Variants in AFF3 observed in about 807,000 individuals in gnomAD.
The protein encoded by AFF3 is AF4/FMR2 family member 3.
A neutral mutation model predicts 129.7 loss-of-function variants in AFF3; 32 were observed. That is an observed-to-expected ratio of 0.25 (90% CI 0.19 to 0.33). The LOEUF (loss-of-function observed/expected upper bound fraction) is 0.33, where lower values mean the gene tolerates loss of function less well. Ranked by LOEUF, AFF3 falls within the 10% of genes least tolerant of loss-of-function variation. The probability of loss-of-function intolerance (pLI) is 1.00; values close to 1 mark genes in which losing one functional copy is unlikely to be tolerated. For missense variants in AFF3, 1,373 were observed against 1,592.0 expected (o/e 0.86, Z 2.34); for synonymous variants, 644 against 635.4 (o/e 1.01, Z -0.20).
chr2:99,758,188 A>G (rs192194627), intron 8 of AFF3, among the ~76,000 whole-genome samples: 2 of 152,308 alleles, frequency 1.3e-5, no homozygotes, highest in East Asian at 3.9e-4. Context: ...AAGTACTCTT[A>G]TAGCATCCTG....
intron 19 of AFF3, among the ~76,000 whole-genome samples, chr2:99,566,883 G>A (rs990530420): frequency 6.6e-6 from 1 of 151,806 alleles, no homozygotes; most frequent in Non-Finnish European, 1.5e-5. Context: ...AACCAGAAAT[G>A]CAGAGCAAAA....
At chr2:100,124,632 A>G (rs1184143245) in intron 2 of AFF3, among the ~76,000 whole-genome samples, 2 of 148,358 alleles carry the variant, frequency 1.3e-5, no homozygotes, top group South Asian at 2.3e-4. Context: ...CATTGCTGAC[A>G]TAGAGGGCAG....
chr2:99,651,661 C>T (rs1336072137), intron 12 of AFF3, among the ~76,000 whole-genome samples: 5 of 151,998 alleles, frequency 3.3e-5, no homozygotes, highest in African/African-American at 7.2e-5. Context: ...AAGCTGGTCT[C>T]GAACTCCTGA....
chr2:99,760,220 A>G (rs1257685918), intron 8 of AFF3, among the ~76,000 whole-genome samples: 1 of 152,196 alleles, frequency 6.6e-6, no homozygotes, highest in Non-Finnish European at 1.5e-5. Flanking sequence ...AGAGTTTTTT[A>G]AATAAAAGAA....
At chr2:99,980,730 C>T (rs1679326492) in intron 7 of AFF3, among the ~76,000 whole-genome samples, 1 of 152,220 alleles carries the variant, frequency 6.6e-6, no homozygotes, top group South Asian at 2.1e-4. Flanking sequence ...GTTGGTACAA[C>T]ATGCTCTTGT....
chr2:99,847,258 C>T lies in AFF3; in HGVS notation c.874-9734G>A, dbSNP rs1031106202. On this transcript the variant is annotated intron_variant, in intron 7 of 24. Coordinates refer to ENST00000672756, the MANE Select transcript of AFF3 (RefSeq NM_001386135.1). ...TGGCGCTATCTTGGCTCACTGCAACCTCCGCCTCCTGGGTTCCAGCAATTC... is the reference window on the plus strand; with the variant it reads ...TGGCGCTATCTTGGCTCACTGCAACTTCCGCCTCCTGGGTTCCAGCAATTC... Among the ~76,000 whole-genome samples, 8 of 151,892 alleles carry T rather than the reference C, an allele frequency of 5.3e-5. No homozygotes were observed. The East Asian group carries it at 1.6e-3, about 30-fold the overall frequency.
intron 7 of AFF3, among the ~76,000 whole-genome samples, chr2:99,852,012 C>G (rs981379659): frequency 2.0e-5 from 3 of 152,186 alleles, no homozygotes; most frequent in Non-Finnish European, 4.4e-5. Flanking sequence ...AGGGTAAACT[C>G]TAACACATGA....
intron 10 of AFF3, among the ~76,000 whole-genome samples, chr2:99,732,127 G>A (rs995327132): frequency 1.3e-5 from 2 of 152,134 alleles, no homozygotes; most frequent in Non-Finnish European, 1.5e-5. Context: ...GGCTGAGGCA[G>A]GCAGATCACG....
intron 7 of AFF3, among the ~76,000 whole-genome samples, chr2:99,892,341 C>T (rs538201151): frequency 6.6e-6 from 1 of 152,042 alleles, no homozygotes; most frequent in African/African-American, 2.4e-5. Flanking sequence ...GATTTTTTCC[C>T]ACATTCTAAG....
intron 8 of AFF3, among the ~76,000 whole-genome samples, chr2:99,765,834 T>C (rs1682964175): frequency 6.6e-6 from 1 of 152,194 alleles, no homozygotes. Context: ...TTAATAAAAA[T>C]GTGCTTATTA....
intron 11 of AFF3, among the ~76,000 whole-genome samples, chr2:99,726,108 G>A (rs926783305): frequency 1.3e-5 from 2 of 152,098 alleles, no homozygotes; most frequent in African/African-American, 4.8e-5. Flanking sequence ...GCAGGACAAT[G>A]GAACTATTTA....
chr2:99,726,014 AT>A (rs1349921131), intron 11 of AFF3, among the ~76,000 whole-genome samples: 2 of 152,178 alleles, frequency 1.3e-5, no homozygotes, highest in Non-Finnish European at 2.9e-5. Flanking sequence ...AGCCTTTCCC[AT>A]TATATTTTAC....
chr2:99,704,286 T>C (rs35602593), intron 11 of AFF3, among the ~76,000 whole-genome samples: 46,328 of 152,094 alleles, frequency 0.3, 7,150 homozygotes, highest in South Asian at 0.34. Flanking sequence ...GAAGTTCCTT[T>C]AGCTATTCTT....
In AFF3 at chr2:99,727,058, G is replaced by GA. The variant is rs768171881; in HGVS notation, c.1091+18dup. 2.9e-5 allele frequency: 47 copies of GA among 1,593,484 alleles called. No homozygotes were observed. Among genetic ancestry groups the GA allele is most frequent in the Non-Finnish European group, 3.8e-5 (44 of 1,168,188 alleles). ...TATTTAAGAACAGGCATCTCTGATA[G>GA]AAAATGAAAGAAACTTACGATGTAT... On this transcript the variant is annotated intron_variant, in intron 11 of 24. Transcript: ENST00000672756.
At chr2:99,680,785 G>A (rs933751543) in intron 11 of AFF3, among the ~76,000 whole-genome samples, 4 of 152,192 alleles carry the variant, frequency 2.6e-5, no homozygotes, top group Non-Finnish European at 5.9e-5. Flanking sequence ...TTATTGATAA[G>A]TTAATTGCTA....
At chr2:99,929,863 G>A (rs1168907277) in intron 7 of AFF3, among the ~76,000 whole-genome samples, 1 of 151,008 alleles carries the variant, frequency 6.6e-6, no homozygotes, top group Non-Finnish European at 1.5e-5. Context: ...AGTTTGACAT[G>A]TTCAGTGAAA....
At position 99,554,530 on chromosome 2, in the gene AFF3, T is replaced by A. The variant is rs1674736770; in HGVS notation, c.3340A>T (p.Thr1114Ser). 6.2e-7 allele frequency: 1 copy of A among 1,612,276 alleles called. No individual in the cohort carries two copies. Among genetic ancestry groups the A allele is most frequent in the Non-Finnish European group, 8.5e-7 (1 of 1,179,304 alleles). ...GGAGACATGGGGGATGGGGTTCCAG[T>A]GCTCCTGGAAGGGGAGAGGTAGAAA... Reference protein sequence around the residue: ...PSPWGASGKSTGTPSPMSPNP... With the variant: ...PSPWGASGKSSGTPSPMSPNP... Residue 1114 changes from threonine to serine, a missense_variant, in exon 24 of 25, where the codon ACT (threonine) becomes TCT (serine). Physicochemically the swap from Thr to Ser is moderately conservative, Grantham distance 58 (BLOSUM62 1). This residue lies in a region of AFF3 where 165 missense variants were observed against 234.0 expected (regional missense o/e 0.71). Coordinates refer to ENST00000672756, the MANE Select transcript of AFF3 (RefSeq NM_001386135.1).
chr2:99,593,903 C>A lies in AFF3; in HGVS notation c.1758G>T (p.Lys586Asn). The change falls in exon 15 of 25, where the codon AAG becomes AAT. Residue 586 changes from lysine (K) to asparagine (N), a missense_variant. Physicochemically the swap from Lys to Asn is moderately conservative, Grantham distance 94. Transcript: ENST00000672756. ...AGGTCCTCTCGGTGCGCCTGGTGGG[C>A]TTCTTGCCCGCGGACCTCCGGGCAG... is the stretch of plus-strand genomic sequence containing the variant. Reference protein sequence around the residue: ...PAPARRSAGKKPTRRTERTSA... With the variant: ...PAPARRSAGKNPTRRTERTSA... The A allele has an allele frequency of 1.4e-6, 2 of 1,459,816 alleles. No homozygotes were observed. Among genetic ancestry groups the A allele is most frequent in the South Asian group, 2.8e-5 (2 of 70,282 alleles). 90.4% of individuals were successfully genotyped at this position (1,459,816 alleles called of 1,614,324 possible). A position where few individuals can be genotyped will look rare whatever the true frequency, so the allele number is the denominator to read the frequency against.
At chr2:99,813,900 G>C (rs1403477873) in intron 8 of AFF3, among the ~76,000 whole-genome samples, 1 of 152,196 alleles carries the variant, frequency 6.6e-6, no homozygotes, top group Non-Finnish European at 1.5e-5. Flanking sequence ...CTACCAAGTT[G>C]AGTACTACTG....
Sources: allele counts gnomAD v4.1 joint callset (sites outside exome capture counted in the v4.1 genomes callset), GRCh38; gene constraint gnomAD v4.1.1; regional missense constraint gnomAD v4.1.1; transcripts MANE v1.5; gene names NCBI Gene and HGNC (gene_info 2026-07-23, HGNC 2026-07-21).